SLC25A48: variants seen among roughly 807,000 people sequenced by gnomAD.
The protein encoded by SLC25A48 is CTC-321K16.1.
Under a neutral mutation model 32.2 loss-of-function variants are expected in SLC25A48, and 29 were observed. That is an observed-to-expected ratio of 0.90 (90% CI 0.67 to 1.23). The LOEUF (loss-of-function observed/expected upper bound fraction) is 1.23, where lower values mean the gene tolerates loss of function less well. Ranked by LOEUF, SLC25A48 falls within the 50% of genes most tolerant of loss-of-function variation. The probability of loss-of-function intolerance (pLI) is 0.00; values close to 1 mark genes in which losing one functional copy is unlikely to be tolerated. For missense variants in SLC25A48, 399 were observed against 422.7 expected (o/e 0.94, Z 0.49); for synonymous variants, 164 against 172.3 (o/e 0.95, Z 0.38).
chr5:135,884,877 G>A (rs989962007), intron 7 of SLC25A48, among the ~76,000 whole-genome samples: 2 of 139,198 alleles, frequency 1.4e-5, no homozygotes, highest in Non-Finnish European at 3.1e-5. Context: ...TCAGGTGTCT[G>A]AGCTTTTCCT....
At chr5:135,635,696 C>T (rs1001286744) in intron 3 of SLC25A48, among the ~76,000 whole-genome samples, 3 of 152,162 alleles carry the variant, frequency 2.0e-5, no homozygotes, top group Non-Finnish European at 1.5e-5. Context: ...AGTCCCACCA[C>T]GGCTGGTTTC....
chr5:135,757,675 A>G (rs927237289), intron 3 of SLC25A48, among the ~76,000 whole-genome samples: 1 of 149,862 alleles, frequency 6.7e-6, no homozygotes, highest in Admixed American at 6.6e-5. Flanking sequence ...GTCTAGTGTT[A>G]TCACACTATG....
In SLC25A48 at chr5:135,602,298, C is replaced by T. The variant is rs113974746; in HGVS notation, c.-849+22701C>T. Reference sequence around the variant, plus strand: ...GTACTTTCCCCAAATCATTTACAACCCCCTGCCCCAAGAGATTCCACATCA... The same window carrying T: ...GTACTTTCCCCAAATCATTTACAACTCCCTGCCCCAAGAGATTCCACATCA... On this transcript the variant is annotated intron_variant, in intron 1 of 10. Transcript: ENST00000646290. Among the ~76,000 whole-genome samples, 1,045 of 152,336 alleles carry T rather than the reference C, an allele frequency of 6.9e-3. 15 individuals are homozygous for T. Among genetic ancestry groups the T allele is most frequent in the African/African-American group, 0.024 (1,010 of 41,578 alleles).
chr5:135,676,908 A>C (rs1753785055), intron 3 of SLC25A48, among the ~76,000 whole-genome samples: 1 of 151,874 alleles, frequency 6.6e-6, no homozygotes, highest in Non-Finnish European at 1.5e-5. Flanking sequence ...CCGTGTGCTA[A>C]TGAGAAGAAT....
At chr5:135,866,965 C>T (rs1352199558) in intron 4 of SLC25A48, among the ~76,000 whole-genome samples, 1 of 152,122 alleles carries the variant, frequency 6.6e-6, no homozygotes, top group Non-Finnish European at 1.5e-5. Context: ...GTAGTATGCC[C>T]TTGATCTAGA....
At chr5:135,644,989 G>C (rs369631335) in intron 3 of SLC25A48, among the ~76,000 whole-genome samples, 18 of 152,252 alleles carry the variant, frequency 1.2e-4, no homozygotes, top group African/African-American at 3.1e-4. Context: ...TGAAGGCAAG[G>C]GGGATCCGCT....
rs1373077173 is a variant in SLC25A48, at chr5:135,842,415, G to T, written c.47-1G>T. The T allele has an allele frequency of 6.2e-7, 1 of 1,613,680 alleles. No homozygotes were observed. The highest frequency in any genetic ancestry group is 8.5e-7 in the Non-Finnish European group (1 of 1,179,770). On this transcript the variant is annotated splice_acceptor_variant, in intron 1 of 7. Coordinates refer to ENST00000681962, the MANE Select transcript of SLC25A48 (RefSeq NM_001349336.2). LOFTEE classifies it high-confidence loss of function. ...ACTAGGCATTCTTTTTTGATCCACAGGTGCAGCCAGTGTCATCGTTGGCCA... is the reference window on the plus strand; with the variant it reads ...ACTAGGCATTCTTTTTTGATCCACATGTGCAGCCAGTGTCATCGTTGGCCA...
At chr5:135,634,577 C>T (rs1752655663) in intron 2 of SLC25A48, among the ~76,000 whole-genome samples, 1 of 152,176 alleles carries the variant, frequency 6.6e-6, no homozygotes, top group South Asian at 2.1e-4. Context: ...GACTGACTTG[C>T]ATTGGAAGAT....
At position 135,629,267 on chromosome 5, in the gene SLC25A48, A is replaced by G. The variant is rs1275173042; in HGVS notation, c.-818A>G. 1 of 152,088 alleles carries G rather than the reference A, an allele frequency of 6.6e-6. No homozygotes were observed. Among genetic ancestry groups the G allele is most frequent in the African/African-American group, 2.4e-5 (1 of 41,414 alleles). The allele number at this position is 152,088 out of a possible 1,614,324, so 9.4% of individuals were successfully genotyped here. On this transcript the variant is annotated 5_prime_UTR_variant, in exon 2 of 11. Transcript: ENST00000646290. This position sits in a 1 kb window ranked among gnomAD's most constrained non-coding sequence, Gnocchi z 4.8. ...CAGCTTAAAGAAAGAAAGGAGGAAA[A>G]AAACCCTGCTGGACGTTGGATGTAC...
chr5:135,885,197 C>T (rs1405068212), intron 7 of SLC25A48, among the ~76,000 whole-genome samples: 1 of 152,130 alleles, frequency 6.6e-6, no homozygotes, highest in African/African-American at 2.4e-5. Flanking sequence ...ATCAGAACTG[C>T]CCTTCTGGAC....
intron 1 of SLC25A48, among the ~76,000 whole-genome samples, chr5:135,591,349 T>TCTAGAATAGTGCCTGGTGC (rs1158361176): frequency 1.3e-5 from 2 of 152,212 alleles, no homozygotes; most frequent in African/African-American, 4.8e-5. Context: ...TTGCCTGATG[T>TCTAGAATAGTGCCTGGTGC]CTAGAATAGT....
At chr5:135,677,287 A>T (rs1753793946) in intron 3 of SLC25A48, among the ~76,000 whole-genome samples, 1 of 152,072 alleles carries the variant, frequency 6.6e-6, no homozygotes, top group South Asian at 2.1e-4. Flanking sequence ...TGCATGAAAT[A>T]TGTTTCTATC....
chr5:135,800,446 C>G (rs1487570702), intron 3 of SLC25A48, among the ~76,000 whole-genome samples: 3 of 151,682 alleles, frequency 2.0e-5, no homozygotes, highest in Non-Finnish European at 2.9e-5. Context: ...CAGAAAATGT[C>G]CACACCCCCT....
intron 3 of SLC25A48, among the ~76,000 whole-genome samples, chr5:135,804,916 C>T (rs1474324008): frequency 6.6e-6 from 1 of 150,458 alleles, no homozygotes; most frequent in Non-Finnish European, 1.5e-5. Flanking sequence ...CTGTAATATC[C>T]CAGGGAGATT....
intron 3 of SLC25A48, among the ~76,000 whole-genome samples, chr5:135,789,138 G>A (rs187283648): frequency 1.6e-4 from 6 of 38,152 alleles, no homozygotes; most frequent in Admixed American, 2.8e-4. Flanking sequence ...CTGTGATATG[G>A]TTCGTAATAT....
intron 3 of SLC25A48, among the ~76,000 whole-genome samples, chr5:135,706,365 T>A (rs1327877059): frequency 1.3e-5 from 2 of 152,214 alleles, no homozygotes; most frequent in Non-Finnish European, 2.9e-5. Context: ...TTGAATCAAA[T>A]TCTGGCTCTG....
At chr5:135,797,903 G>A (rs1388224058) in intron 3 of SLC25A48, among the ~76,000 whole-genome samples, 1 of 151,790 alleles carries the variant, frequency 6.6e-6, no homozygotes, top group African/African-American at 2.4e-5. Context: ...TAATATCCAT[G>A]AGAAAGAGGA....
chr5:135,623,835 T>C (rs922574545), intron 1 of SLC25A48, among the ~76,000 whole-genome samples: 4 of 152,190 alleles, frequency 2.6e-5, no homozygotes, highest in South Asian at 2.1e-4. Context: ...GCCTGACCTG[T>C]GCAGCAAGAC....
chr5:135,726,862 A>T (rs10037519), intron 3 of SLC25A48, among the ~76,000 whole-genome samples: 2 of 152,192 alleles, frequency 1.3e-5, no homozygotes, highest in Non-Finnish European at 2.9e-5. Flanking sequence ...TGGTAGTTGC[A>T]TATTTGGTTT....
Sources: allele counts gnomAD v4.1 joint callset (sites outside exome capture counted in the v4.1 genomes callset), GRCh38; gene constraint gnomAD v4.1.1; non-coding constraint Gnocchi (gnomAD v3.1); transcripts MANE v1.5; gene names NCBI Gene and HGNC (gene_info 2026-07-23, HGNC 2026-07-21).